Variants in LMX1B observed in about 807,000 individuals in gnomAD.
LMX1B encodes LIM homeobox transcription factor 1 beta.
Under a neutral mutation model 51.4 loss-of-function variants are expected in LMX1B, and 12 were observed. That is an observed-to-expected ratio of 0.23 (90% CI 0.15 to 0.38). The LOEUF (loss-of-function observed/expected upper bound fraction) is 0.38. Ranked by LOEUF, LMX1B falls within the 10% of genes least tolerant of loss-of-function variation. The pLI is 1.00. For synonymous variants in LMX1B, 237 were observed against 235.4 expected, an observed-to-expected ratio of 1.01 and a Z score of -0.06; for missense variants, 445 against 571.1, an observed-to-expected ratio of 0.78 and a Z score of 2.25.
At chr9:126,664,699 C>T (rs1019584013) in intron 2 of LMX1B, among the ~76,000 whole-genome samples, 2 of 152,144 alleles carry the variant, frequency 1.3e-5, no homozygotes, top group Non-Finnish European at 2.9e-5. Flanking sequence ...CATGGTGAAA[C>T]CCCGTCGATA....
chr9:126,683,211 G>A (rs1836709127), intron 2 of LMX1B, among the ~76,000 whole-genome samples: 1 of 150,938 alleles, frequency 6.6e-6, no homozygotes, highest in Admixed American at 6.6e-5. Context: ...GAGAGGCCCC[G>A]CGAGGCCCGC....
In LMX1B at chr9:126,696,589, GCCTGACCACTGTGC is replaced by G; in HGVS notation, c.*141_*154del. 2.0e-6 allele frequency: 2 copies of G among 990,346 alleles called. No homozygotes were observed. The highest frequency in any genetic ancestry group is 3.1e-6 in the Non-Finnish European group (2 of 655,072). The allele number at this position is 990,346 out of a possible 1,614,324, so 61.3% of individuals were successfully genotyped here. A position where few individuals can be genotyped will look rare whatever the true frequency, so the allele number is the denominator to read the frequency against. ...CGGTGCCCTCCCCTCGGCCAGCTGG[GCCTGACCACTGTGC>G]CCGTTGGGTACAGCCAGACCGGTAG... On this transcript the variant is annotated 3_prime_UTR_variant, in exon 8 of 8. Transcript: ENST00000373474.
rs1188738681 is a variant in LMX1B at position 126,618,222 on chromosome 9, G to A, written c.326+2653G>A. Among the ~76,000 whole-genome samples, 1 of 152,134 alleles carries A rather than the reference G, an allele frequency of 6.6e-6. No homozygotes were observed. The highest frequency in any genetic ancestry group is 2.4e-5 in the African/African-American group (1 of 41,410). On this transcript the variant is annotated intron_variant, in intron 2 of 7. Transcript: ENST00000373474. This position sits in a 1 kb window ranked among gnomAD's most constrained non-coding sequence, Gnocchi z 4.5. ...AATCCCCCCACCAAACACAACTTCT[G>A]AAAAATGTGTCCTCACCCCTGGCTG...
intron 2 of LMX1B, among the ~76,000 whole-genome samples, chr9:126,690,583 C>T (rs2030083318): frequency 6.6e-6 from 1 of 152,208 alleles, no homozygotes; most frequent in African/African-American, 2.4e-5. Flanking sequence ...GCTGGAAGGG[C>T]CCTGAGCTGC....
At chr9:126,652,055 A>G (rs1046724042) in intron 2 of LMX1B, among the ~76,000 whole-genome samples, 3 of 151,276 alleles carry the variant, frequency 2.0e-5, no homozygotes, top group African/African-American at 7.3e-5. Context: ...CCCAACAGCC[A>G]GGACCCTTGA....
At chr9:126,683,473 C>T (rs981505233) in intron 2 of LMX1B, among the ~76,000 whole-genome samples, 1 of 152,158 alleles carries the variant, frequency 6.6e-6, no homozygotes, top group African/African-American at 2.4e-5. Flanking sequence ...GGGAGGAGGC[C>T]GGGCGGCTCC....
At chr9:126,657,499 A>T (rs192923913) in intron 2 of LMX1B, among the ~76,000 whole-genome samples, 7 of 152,158 alleles carry the variant, frequency 4.6e-5, no homozygotes, top group Admixed American at 4.6e-4. Context: ...GGAGCAGGGG[A>T]TGCCTGCCTG....
Position 126,641,150 on chromosome 9 carries a change from G to A in LMX1B, c.326+25581G>A, listed in dbSNP as rs1167698080. On this transcript the variant is annotated intron_variant, in intron 2 of 7. Coordinates refer to ENST00000373474, the MANE Select transcript of LMX1B (RefSeq NM_001174147.2). This position sits in a 1 kb window ranked among gnomAD's most constrained non-coding sequence, Gnocchi z 4.1. ...GAAGGAGCTGTGGGAAACAGCCTTG[G>A]GCCTTCTGGGGAGGTCTGTGCAGGC... is the stretch of plus-strand genomic sequence containing the variant. 1 of 152,312 alleles carries A rather than the reference G, an allele frequency of 6.6e-6. No homozygotes were observed. The allele number at this position is 152,312 out of a possible 1,614,324, so 9.4% of individuals were successfully genotyped here. A position where few individuals can be genotyped will look rare whatever the true frequency, so the allele number is the denominator to read the frequency against.
In LMX1B at chr9:126,615,899, G is replaced by T. The variant is rs1290120195; in HGVS notation, c.326+330G>T. On this transcript the variant is annotated intron_variant, in intron 2 of 7. Transcript: ENST00000373474. This position sits in a 1 kb window ranked among gnomAD's most constrained non-coding sequence, Gnocchi z 6.0. ...AGGCCTGAATTGGGAACCCAAAATT[G>T]ATTTCCAAAGGAAAATAATGTTTTA... Among the ~76,000 whole-genome samples the T allele has an allele frequency of 6.6e-6, 1 of 152,204 alleles. No homozygotes were observed. Among genetic ancestry groups the T allele is most frequent in the Non-Finnish European group, 1.5e-5 (1 of 68,040 alleles).
In LMX1B at chr9:126,699,641, G is replaced by C. The variant is rs1019956364; in HGVS notation, c.*3190G>C. The C allele has an allele frequency of 2.0e-5, 3 of 152,448 alleles. No homozygotes were observed. Among genetic ancestry groups the C allele is most frequent in the African/African-American group, 7.2e-5 (3 of 41,460 alleles). The allele number at this position is 152,448 out of a possible 1,614,324, so 9.4% of individuals were successfully genotyped here. ...GTGGCTCGCAGATGAACAAGATGCA[G>C]GGCCTGCCTTGAGGGGTGTCTCCTA... On this transcript the variant is annotated 3_prime_UTR_variant, in exon 8 of 8. Coordinates refer to ENST00000373474, the MANE Select transcript of LMX1B (RefSeq NM_001174147.2).
chr9:126,662,303 T>C (rs1164750843), intron 2 of LMX1B, among the ~76,000 whole-genome samples: 1 of 152,202 alleles, frequency 6.6e-6, no homozygotes, highest in East Asian at 1.9e-4. Flanking sequence ...AAGTGACTGC[T>C]CAGTACCTGG....
rs143207113 is a variant in LMX1B at position 126,696,171 on chromosome 9, G to A, written c.1052-123G>A. On this transcript the variant is annotated intron_variant, in intron 7 of 7. Coordinates refer to ENST00000373474, the MANE Select transcript of LMX1B (RefSeq NM_001174147.2). ...GGAAGGGCCCCAGTCCTTCTTGGCC[G>A]GCACTAGTCAGCAGGCCATCCTGTC... The A allele has an allele frequency of 1.5e-3, 1,800 of 1,187,086 alleles. 19 individuals are homozygous for A. Among genetic ancestry groups the A allele is most frequent in the South Asian group, 0.015 (1,168 of 79,268 alleles). The allele number at this position is 1,187,086 out of a possible 1,614,324, so 73.5% of individuals were successfully genotyped here.
intron 2 of LMX1B, among the ~76,000 whole-genome samples, chr9:126,629,374 C>G (rs1835593744): frequency 6.6e-6 from 1 of 152,246 alleles, no homozygotes; most frequent in African/African-American, 2.4e-5. Flanking sequence ...AGGCACTGCT[C>G]TCAGCACTTT....
Position 126,614,565 on chromosome 9 carries a change from C to A in LMX1B, c.116C>A (p.Pro39His). The change falls in exon 1 of 8, where the codon CCC becomes CAC. Residue 39 changes from proline (P) to histidine (H), a missense_variant. Physicochemically the swap from Pro to His is moderately conservative, Grantham distance 77. Transcript: ENST00000373474. ...KMEEHALRPGPATLGVLLGSD... is the reference protein window; with the variant it reads ...KMEEHALRPGHATLGVLLGSD... ...GAGGAGCACGCCCTGCGCCCCGGGC[C>A]CGCCACTCTGGGGGTGCTGCTGGGT... 1 of 1,601,856 alleles carries A rather than the reference C, an allele frequency of 6.2e-7. No homozygotes were observed. The highest frequency in any genetic ancestry group is 8.5e-7 in the Non-Finnish European group (1 of 1,174,718).
chr9:126,624,538 C>T (rs1835482194), intron 2 of LMX1B, among the ~76,000 whole-genome samples: 1 of 152,220 alleles, frequency 6.6e-6, no homozygotes. Flanking sequence ...TGCGAAGTCC[C>T]TCAGCTCCTG....
At chr9:126,670,407 G>A (rs998526976) in intron 2 of LMX1B, among the ~76,000 whole-genome samples, 9 of 152,246 alleles carry the variant, frequency 5.9e-5, no homozygotes, top group Non-Finnish European at 1.2e-4. Flanking sequence ...TGGTGCGTAT[G>A]AGCATGCATG....
chr9:126,624,075 C>T (rs756558026), intron 2 of LMX1B, among the ~76,000 whole-genome samples: 31 of 152,254 alleles, frequency 2.0e-4, no homozygotes, highest in Non-Finnish European at 3.7e-4. Context: ...CTCTAATACG[C>T]GCACACGGTC....
chr9:126,693,612 A>G lies in LMX1B; in HGVS notation c.819+11A>G. ...AACCAAAGAGCAAAGGTAAGAGGCCACCCCCCATCCCCACTGGCCCCGGGT... is the reference window on the plus strand; with the variant it reads ...AACCAAAGAGCAAAGGTAAGAGGCCGCCCCCCATCCCCACTGGCCCCGGGT... On this transcript the variant is annotated intron_variant, in intron 5 of 7. Coordinates refer to ENST00000373474, the MANE Select transcript of LMX1B (RefSeq NM_001174147.2). 6.2e-7 allele frequency: 1 copy of G among 1,613,538 alleles called. No individual in the cohort carries two copies.
In LMX1B at chr9:126,626,833, A is replaced by G. The variant is rs1835543266; in HGVS notation, c.326+11264A>G. 6.6e-6 allele frequency among the ~76,000 whole-genome samples: 1 copy of G among 152,098 alleles called. No homozygotes were observed. The highest frequency in any genetic ancestry group is 6.5e-5 in the Admixed American group (1 of 15,284). On this transcript the variant is annotated intron_variant, in intron 2 of 7. Coordinates refer to ENST00000373474, the MANE Select transcript of LMX1B (RefSeq NM_001174147.2). The surrounding 1 kb of genome is among the most constrained non-coding windows in gnomAD (Gnocchi z 4.3). The stretch of plus-strand genomic sequence containing the variant: ...TGCGGGGGTCTGTGACCCTGCAAGC[A>G]TCAAACGGCCCGCGGGAACCGGCCG...
Sources: allele counts gnomAD v4.1 joint callset (sites outside exome capture counted in the v4.1 genomes callset), GRCh38; gene constraint gnomAD v4.1.1; non-coding constraint Gnocchi (gnomAD v3.1); transcripts MANE v1.5; gene names NCBI Gene and HGNC (gene_info 2026-07-23, HGNC 2026-07-21).